Variants in PTPRD observed in about 807,000 individuals in gnomAD.
PTPRD encodes receptor-type tyrosine-protein phosphatase delta.
PTPRD carries 34 observed loss-of-function variants against 214.5 expected under a neutral mutation model. The ratio of observed to expected loss-of-function variants is 0.16; its 90% confidence interval spans 0.12 to 0.21. The LOEUF (loss-of-function observed/expected upper bound fraction) is 0.21. Among genes scored for constraint, PTPRD ranks in the 10% least tolerant of loss-of-function variants. The pLI, the probability that PTPRD is intolerant of heterozygous loss-of-function variation, is 1.00. For synonymous variants in PTPRD, 1,128 were observed against 845.7 expected (o/e 1.33, Z -5.79); for missense variants, 2,545 against 2,398.7 (o/e 1.06, Z -1.27).
chr9:9,089,543 A>G (rs78723096), intron 10 of PTPRD, among the ~76,000 whole-genome samples: 2,410 of 152,346 alleles, frequency 0.016, 42 homozygotes, highest in East Asian at 0.067. Context: ...CTACTAACTC[A>G]TAGTATGCAA....
chr9:9,460,523 C>A (rs2093553626), intron 8 of PTPRD, among the ~76,000 whole-genome samples: 1 of 151,914 alleles, frequency 6.6e-6, no homozygotes, highest in South Asian at 2.1e-4. Context: ...GGGCAAAGGA[C>A]ATGAACAGAC....
intron 4 of PTPRD, among the ~76,000 whole-genome samples, chr9:10,018,142 C>T (rs945634203): frequency 6.6e-6 from 1 of 151,112 alleles, no homozygotes; most frequent in South Asian, 2.1e-4. Context: ...AATAAAGAAC[C>T]AGGATCTGAT....
intron 14 of PTPRD, among the ~76,000 whole-genome samples, chr9:8,584,574 T>C (rs1216150994): frequency 6.6e-6 from 1 of 152,214 alleles, no homozygotes; most frequent in Admixed American, 6.5e-5. Context: ...CAAGAGGAAA[T>C]CTATCATTCA....
chr9:9,828,627 T>G (rs545476279), intron 5 of PTPRD, among the ~76,000 whole-genome samples: 1 of 152,048 alleles, frequency 6.6e-6, no homozygotes, highest in Non-Finnish European at 1.5e-5. Flanking sequence ...GTTGTGCACG[T>G]GTACCATAAA....
intron 10 of PTPRD, among the ~76,000 whole-genome samples, chr9:9,179,175 C>G (rs945184225): frequency 6.6e-6 from 1 of 152,056 alleles, no homozygotes; most frequent in Admixed American, 6.6e-5. Flanking sequence ...AATAAAATTC[C>G]AGACTAGACC....
intron 10 of PTPRD, among the ~76,000 whole-genome samples, chr9:9,152,185 T>C (rs887616495): frequency 6.6e-6 from 1 of 152,220 alleles, no homozygotes. Context: ...ACTAGCTCCA[T>C]GTCTAATCCT....
chr9:8,337,351 C>T (rs1847938185), intron 43 of PTPRD, among the ~76,000 whole-genome samples: 1 of 152,012 alleles, frequency 6.6e-6, no homozygotes, highest in African/African-American at 2.4e-5. Flanking sequence ...AGCAAACTAA[C>T]ACAGGAACAG....
intron 5 of PTPRD, among the ~76,000 whole-genome samples, chr9:9,900,813 T>G (rs2076232243): frequency 6.6e-6 from 1 of 152,022 alleles, no homozygotes; most frequent in Admixed American, 6.6e-5. Context: ...ACTTTGGTAT[T>G]TTTAGTAAAG....
intron 5 of PTPRD, among the ~76,000 whole-genome samples, chr9:9,792,065 A>T (rs192327044): frequency 1.6e-3 from 236 of 152,246 alleles, no homozygotes; most frequent in African/African-American, 5.5e-3. Context: ...GACTCCAAGG[A>T]TTAAAAAAAA....
At chr9:9,019,943 C>G (rs1386701021) in intron 10 of PTPRD, among the ~76,000 whole-genome samples, 1 of 151,950 alleles carries the variant, frequency 6.6e-6, no homozygotes, top group African/African-American at 2.4e-5. Context: ...ATGTGAATAG[C>G]TGAGGCAAGT....
At chr9:8,994,832 T>G (rs2099390480) in intron 11 of PTPRD, among the ~76,000 whole-genome samples, 1 of 152,028 alleles carries the variant, frequency 6.6e-6, no homozygotes, top group Non-Finnish European at 1.5e-5. Flanking sequence ...GAATTTGGAT[T>G]TCATCTTATA....
chr9:10,252,003 TAGTA>T (rs1264922436), intron 3 of PTPRD, among the ~76,000 whole-genome samples: 1 of 152,170 alleles, frequency 6.6e-6, no homozygotes, highest in Non-Finnish European at 1.5e-5. Context: ...CCACAAAAAA[TAGTA>T]AGTGTGTGAA....
At chr9:8,691,514 T>A (rs1019675402) in intron 12 of PTPRD, among the ~76,000 whole-genome samples, 1 of 152,152 alleles carries the variant, frequency 6.6e-6, no homozygotes, top group African/African-American at 2.4e-5. Context: ...AAACCTCTCC[T>A]GGTTGGTCAG....
intron 10 of PTPRD, among the ~76,000 whole-genome samples, chr9:9,122,210 A>G (rs2099818256): frequency 6.6e-6 from 1 of 152,214 alleles, no homozygotes; most frequent in Non-Finnish European, 1.5e-5. Context: ...GTTACTCATC[A>G]GATATTATTT....
At chr9:10,160,518 CAATAT>C (rs371269185) in intron 3 of PTPRD, among the ~76,000 whole-genome samples, 3 of 151,828 alleles carry the variant, frequency 2.0e-5, no homozygotes, top group African/African-American at 4.8e-5. Flanking sequence ...GCATTCAATA[CAATAT>C]AATATTCCTT....
intron 8 of PTPRD, among the ~76,000 whole-genome samples, chr9:9,534,522 C>T (rs7047119): frequency 0.18 from 27,198 of 151,832 alleles, 2,667 homozygotes; most frequent in Middle Eastern, 0.22. Flanking sequence ...TGACATAATA[C>T]ATAAATTTTT....
At chr9:9,910,075 A>G (rs192409030) in intron 5 of PTPRD, among the ~76,000 whole-genome samples, 2 of 152,032 alleles carry the variant, frequency 1.3e-5, no homozygotes, top group East Asian at 3.9e-4. Context: ...ACTGCTTACT[A>G]CTTTCTTGAC....
Position 8,501,963 on chromosome 9 carries a change from G to C in PTPRD, c.1823-904C>G, listed in dbSNP as rs181528817. 3.3e-5 allele frequency among the ~76,000 whole-genome samples: 5 copies of C among 152,030 alleles called. No individual in the cohort carries two copies. In the East Asian group the frequency reaches 9.7e-4, roughly 29 times the overall value. On this transcript the variant is annotated intron_variant, in intron 23 of 45. Transcript: ENST00000381196. The stretch of plus-strand genomic sequence containing the variant: ...AATAACACAGCCATTAAAAAGAACT[G>C]TTTTTTTAAAAACCCAAGTATCAAC...
rs375645365 is a variant in PTPRD, at chr9:10,210,766, A to G, written c.-545+130197T>C. Among the ~76,000 whole-genome samples the G allele has an allele frequency of 1.5e-3, 40 of 26,210 alleles. 2 individuals are homozygous for G. Among genetic ancestry groups the G allele is most frequent in the Admixed American group, 1.4e-3 (2 of 1,474 alleles). The allele number at this position is 26,210 out of a possible 152,430, so 17.2% of individuals were successfully genotyped here. ...ATATATATTTAAAATGTTTATATAT[A>G]ATGTTTATATATATAAAATCAAAAA... On this transcript the variant is annotated intron_variant, in intron 3 of 45. Coordinates refer to ENST00000381196, the MANE Select transcript of PTPRD (RefSeq NM_002839.4).
Sources: gnomAD v4.1 joint callset for allele counts (sites outside exome capture counted in the v4.1 genomes callset) on GRCh38, gnomAD v4.1.1 for gene constraint, MANE v1.5 for transcripts, NCBI Gene and HGNC (gene_info 2026-07-23, HGNC 2026-07-21) for gene names.